The following CFAP20DC variants were observed in gnomAD, a reference collection of about 807,000 sequenced individuals.
CFAP20DC encodes the protein protein CFAP20DC.
A neutral mutation model predicts 101.7 loss-of-function variants in CFAP20DC; 84 were observed. That is an observed-to-expected ratio of 0.83 (90% CI 0.69 to 0.99). The LOEUF (loss-of-function observed/expected upper bound fraction) is 0.99, where lower values mean the gene tolerates loss of function less well. Ranked by LOEUF, CFAP20DC falls within the 50% of genes least tolerant of loss-of-function variation. The pLI is 0.00. For missense variants in CFAP20DC, 1,007 were observed against 970.3 expected, an observed-to-expected ratio of 1.04 and a Z score of -0.50; for synonymous variants, 359 against 351.2, an observed-to-expected ratio of 1.02 and a Z score of -0.25.
chr3:59,046,337 GA>G lies in CFAP20DC; in HGVS notation c.112-16del. ...TTATCAAACTCCTATAGAACAAAATGAAAACAGTAGTTATCACAGGATATTT... is the reference window on the plus strand; with the variant it reads ...TTATCAAACTCCTATAGAACAAAATGAAACAGTAGTTATCACAGGATATTT... On this transcript the variant is annotated splice_polypyrimidine_tract_variant and intron_variant, in intron 2 of 16. Coordinates refer to ENST00000482387, the MANE Select transcript of CFAP20DC (RefSeq NM_001394063.1). 7.0e-7 allele frequency: 1 copy of G among 1,426,202 alleles called. No homozygotes were observed. Among genetic ancestry groups the G allele is most frequent in the African/African-American group, 1.4e-5 (1 of 69,308 alleles). The allele number at this position is 1,426,202 out of a possible 1,614,324, so 88.3% of individuals were successfully genotyped here.
intron 4 of CFAP20DC, among the ~76,000 whole-genome samples, chr3:58,943,658 CTTCTT>C (rs1179531414): frequency 6.6e-6 from 1 of 152,146 alleles, no homozygotes; most frequent in Non-Finnish European, 1.5e-5. Flanking sequence ...AACCAGAACA[CTTCTT>C]TTACTCCAAA....
chr3:59,044,987 G>GACAC (rs57196071), intron 3 of CFAP20DC, among the ~76,000 whole-genome samples: 1,524 of 139,908 alleles, frequency 0.011, 30 homozygotes, highest in African/African-American at 0.031. Flanking sequence ...TCCTATTACA[G>GACAC]ACACACACAC....
At chr3:58,923,321 T>G (rs1409219155) in intron 5 of CFAP20DC, among the ~76,000 whole-genome samples, 1 of 152,252 alleles carries the variant, frequency 6.6e-6, no homozygotes, top group African/African-American at 2.4e-5. Flanking sequence ...GCATTCTTTG[T>G]TCTTTGATTT....
At chr3:58,801,244 G>T (rs929480447) in intron 15 of CFAP20DC, among the ~76,000 whole-genome samples, 3 of 152,040 alleles carry the variant, frequency 2.0e-5, no homozygotes, top group Admixed American at 6.6e-5. Context: ...AAGAGGTAAT[G>T]AATCTTTTCC....
At position 58,752,401 on chromosome 3, in the gene CFAP20DC, C is replaced by T. The variant is rs868399299; in HGVS notation, c.2332+1368G>A. On this transcript the variant is annotated intron_variant, in intron 16 of 16. Transcript: ENST00000482387. ...AATGTGCTGTAGAATGGCCAGCACACTTCTACAATGGAAGTTCTGTTTAGC... is the reference window on the plus strand; with the variant it reads ...AATGTGCTGTAGAATGGCCAGCACATTTCTACAATGGAAGTTCTGTTTAGC... 2.4e-4 allele frequency among the ~76,000 whole-genome samples: 36 copies of T among 152,214 alleles called. No individual in the cohort carries two copies. In the Middle Eastern group the frequency reaches 0.01, roughly 43 times the overall value.
At chr3:58,935,886 C>A (rs1411461388) in intron 5 of CFAP20DC, among the ~76,000 whole-genome samples, 7 of 152,200 alleles carry the variant, frequency 4.6e-5, no homozygotes, top group Admixed American at 2.0e-4. Context: ...GTCTGAAACA[C>A]CAAAAGCAAT....
intron 11 of CFAP20DC, among the ~76,000 whole-genome samples, chr3:58,865,053 A>C (rs1173598290): frequency 6.6e-6 from 1 of 151,720 alleles, no homozygotes. Context: ...TTAGAATGAC[A>C]GTAGGAAAAA....
chr3:58,848,105 C>T (rs540794511), intron 13 of CFAP20DC, among the ~76,000 whole-genome samples: 18 of 142,392 alleles, frequency 1.3e-4, no homozygotes, highest in African/African-American at 4.5e-4. Context: ...CAGCATGGCA[C>T]ATGTATACAT....
At chr3:58,910,664 T>C (rs1448855442) in intron 6 of CFAP20DC, among the ~76,000 whole-genome samples, 4 of 152,148 alleles carry the variant, frequency 2.6e-5, no homozygotes, top group South Asian at 2.1e-4. Flanking sequence ...GGAAATCTTA[T>C]ATTTCTGTTT....
intron 4 of CFAP20DC, among the ~76,000 whole-genome samples, chr3:58,959,629 C>T (rs2090960635): frequency 6.6e-6 from 1 of 152,184 alleles, no homozygotes; most frequent in South Asian, 2.1e-4. Flanking sequence ...TCTACATGTC[C>T]TCTTCATGCC....
At position 58,732,109 on chromosome 3, in the gene CFAP20DC, T is replaced by C. The variant is rs1223877882; in HGVS notation, c.198-14481A>G. Among the ~76,000 whole-genome samples the C allele has an allele frequency of 2.6e-5, 4 of 152,144 alleles. No homozygotes were observed. Among genetic ancestry groups the C allele is most frequent in the African/African-American group, 9.7e-5 (4 of 41,410 alleles). On this transcript the variant is annotated intron_variant, in intron 3 of 3. Coordinates refer to the CFAP20DC transcript ENST00000486145. This position sits in a 1 kb window ranked among gnomAD's most constrained non-coding sequence, Gnocchi z 5.4. ...ATGGTTGTGCTGACAATAAAGATGA[T>C]GAGGACAATCATCAAGAGAGTCATT...
In CFAP20DC at chr3:58,935,771, T is replaced by C. The variant is rs184419718; in HGVS notation, c.393+1877A>G. Among the ~76,000 whole-genome samples, 34 of 152,300 alleles carry C rather than the reference T, an allele frequency of 2.2e-4. No homozygotes were observed. In the East Asian group the frequency reaches 5.8e-3, roughly 26 times the overall value. The stretch of plus-strand genomic sequence containing the variant: ...TCCTTACATCTTATACAAAAATTAA[T>C]TCAAGGTGGATTAAAGACTTAAACG... On this transcript the variant is annotated intron_variant, in intron 5 of 16. Coordinates refer to ENST00000482387, the MANE Select transcript of CFAP20DC (RefSeq NM_001394063.1).
rs2091951901 is a variant in CFAP20DC at position 58,971,588 on chromosome 3, T to C, written c.279-33826A>G. 6.6e-6 allele frequency among the ~76,000 whole-genome samples: 1 copy of C among 152,094 alleles called. No individual in the cohort carries two copies. The highest frequency in any genetic ancestry group is 2.1e-4 in the South Asian group (1 of 4,828). On this transcript the variant is annotated intron_variant, in intron 4 of 16. Transcript: ENST00000482387. This position sits in a 1 kb window ranked among gnomAD's most constrained non-coding sequence, Gnocchi z 4.1. ...AGGACATTTCACAGGTACACAAAGA[T>C]ACACACATGGATATTCATGGTAACA...
rs148166640 is a variant in CFAP20DC, at chr3:58,859,057, G to GTAATACAATT, written c.1593+4491_1593+4500dup. Among the ~76,000 whole-genome samples the GTAATACAATT allele has an allele frequency of 0.01, 1,575 of 152,250 alleles. 41 individuals are homozygous for GTAATACAATT. The East Asian group carries it at 0.11, about 11-fold the overall frequency. On this transcript the variant is annotated intron_variant, in intron 12 of 16. Coordinates refer to ENST00000482387, the MANE Select transcript of CFAP20DC (RefSeq NM_001394063.1). This position sits in a 1 kb window ranked among gnomAD's most constrained non-coding sequence, Gnocchi z 4.1. Reference sequence around the variant, plus strand: ...TTGAATTTTGTAGCAAATGATGAAAGTAATACAATTTCCTCTGGGTGACAA... The same window carrying GTAATACAATT: ...TTGAATTTTGTAGCAAATGATGAAAGTAATACAATTTAATACAATTTCCTCTGGGTGACAA...
chr3:59,009,032 C>CA (rs2093514794), intron 4 of CFAP20DC, among the ~76,000 whole-genome samples: 1 of 151,990 alleles, frequency 6.6e-6, no homozygotes, highest in Non-Finnish European at 1.5e-5. Flanking sequence ...TGGGGAAAGC[C>CA]AGTACACAAA....
chr3:58,848,763 G>A (rs1454278840), intron 13 of CFAP20DC, among the ~76,000 whole-genome samples: 3 of 152,096 alleles, frequency 2.0e-5, no homozygotes, highest in Admixed American at 2.0e-4. Context: ...ATTATGGGAA[G>A]TAACTAGAAA....
chr3:58,817,262 C>T (rs1185112374), intron 14 of CFAP20DC, among the ~76,000 whole-genome samples: 2 of 152,196 alleles, frequency 1.3e-5, no homozygotes, highest in African/African-American at 4.8e-5. Context: ...CGCAGTTCCT[C>T]AAGAGCAACG....
At chr3:58,797,660 C>G (rs926741254) in intron 15 of CFAP20DC, among the ~76,000 whole-genome samples, 1 of 152,164 alleles carries the variant, frequency 6.6e-6, no homozygotes, top group African/African-American at 2.4e-5. Flanking sequence ...GTAGACAAAA[C>G]AGTCTTCTAT....
In CFAP20DC at chr3:58,813,721, C is replaced by G. The variant is rs140779794; in HGVS notation, c.2176-7265G>C. On this transcript the variant is annotated intron_variant, in intron 14 of 16. Coordinates refer to ENST00000482387, the MANE Select transcript of CFAP20DC (RefSeq NM_001394063.1). ...TTCCTTTAATTTAAATCAAACACCC[C>G]ATCTGATAATCACAGTCACTTAGCC... Among the ~76,000 whole-genome samples the G allele has an allele frequency of 1.1e-4, 16 of 151,940 alleles. 1 individual carries two copies. Among genetic ancestry groups the G allele is most frequent in the African/African-American group, 3.6e-4 (15 of 41,288 alleles).
Sources: allele counts gnomAD v4.1 joint callset (sites outside exome capture counted in the v4.1 genomes callset), GRCh38; gene constraint gnomAD v4.1.1; non-coding constraint Gnocchi (gnomAD v3.1); transcripts MANE v1.5; gene names NCBI Gene and HGNC (gene_info 2026-07-23, HGNC 2026-07-21).